The following ZNF367 variants were observed in gnomAD, a reference collection of about 807,000 sequenced individuals.
ZNF367 encodes the protein zinc finger protein 367, also known as C2H2 zinc finger protein ZFF29.
ZNF367 carries 11 observed loss-of-function variants against 31.8 expected under a neutral mutation model. The observed-to-expected ratio is 0.35, with a 90% CI of 0.22 to 0.57. ZNF367 has a LOEUF of 0.57. Ranked by LOEUF, ZNF367 falls within the 20% of genes least tolerant of loss-of-function variation. ZNF367 has a pLI of 0.85. For synonymous variants in ZNF367, 199 were observed against 202.4 expected, an observed-to-expected ratio of 0.98 and a Z score of 0.14; for missense variants, 353 against 484.1, an observed-to-expected ratio of 0.73 and a Z score of 2.54.
At chr9:96,397,932 A>G (rs894227117) in intron 2 of ZNF367, among the ~76,000 whole-genome samples, 2 of 151,852 alleles carry the variant, frequency 1.3e-5, no homozygotes, top group African/African-American at 4.8e-5. Flanking sequence ...TCTACTAAAA[A>G]TACAAAAATT....
intron 1 of ZNF367, among the ~76,000 whole-genome samples, chr9:96,406,934 A>AGAGCTTGC (rs1831677673): frequency 6.9e-6 from 1 of 144,156 alleles, no homozygotes; most frequent in South Asian, 2.3e-4. Context: ...CCCGGGAGGC[A>AGAGCTTGC]GAGCTTGCAG....
chr9:96,415,483 T>C (rs1831811479), intron 1 of ZNF367, among the ~76,000 whole-genome samples: 2 of 41,074 alleles, frequency 4.9e-5, no homozygotes, highest in Admixed American at 4.9e-4. Flanking sequence ...TTCTTCATTT[T>C]TTTTTTTTTT....
In ZNF367 at chr9:96,386,026, A is replaced by G. The variant is rs1831405643; in HGVS notation, c.*2211T>C. 1 of 152,186 alleles carries G rather than the reference A, an allele frequency of 6.6e-6. No homozygotes were observed. Among genetic ancestry groups the G allele is most frequent in the Non-Finnish European group, 1.5e-5 (1 of 68,024 alleles). The allele number at this position is 152,186 out of a possible 1,614,324, so 9.4% of individuals were successfully genotyped here. ...TATGCTGTTAACTCTGCCAAACTACAACTTAGCCATATGAAGCATAAAACA... is the reference window on the plus strand; with the variant it reads ...TATGCTGTTAACTCTGCCAAACTACGACTTAGCCATATGAAGCATAAAACA... On this transcript the variant is annotated 3_prime_UTR_variant, in exon 5 of 5. Transcript: ENST00000375256.
At chr9:96,416,089 T>TGG (rs201734954) in intron 1 of ZNF367, among the ~76,000 whole-genome samples, 1 of 83,504 alleles carries the variant, frequency 1.2e-5, no homozygotes, top group African/African-American at 8.3e-5. Context: ...TTTTTGTTGT[T>TGG]TTTTTTTTTT....
At chr9:96,408,703 T>C (rs1831703588) in intron 1 of ZNF367, among the ~76,000 whole-genome samples, 2 of 152,322 alleles carry the variant, frequency 1.3e-5, no homozygotes, top group African/African-American at 4.8e-5. Flanking sequence ...CGTTTACATA[T>C]AGTCAACACT....
chr9:96,404,727 A>G (rs1464258195), intron 1 of ZNF367, among the ~76,000 whole-genome samples: 4 of 152,194 alleles, frequency 2.6e-5, no homozygotes, highest in Non-Finnish European at 5.9e-5. Flanking sequence ...TAGATATGGC[A>G]CCAAGAGCTA....
rs1018106304 is a variant in ZNF367 at position 96,392,328 on chromosome 9, T to A, written c.830+70A>T. 1.9e-6 allele frequency: 3 copies of A among 1,607,322 alleles called. No individual in the cohort carries two copies. The Admixed American group carries it at 5.0e-5, about 27-fold the overall frequency. On this transcript the variant is annotated intron_variant, in intron 4 of 4. Transcript: ENST00000375256. ...CAGCTTATTTAAAATGAGAGGCATGTCCAGGTCCCTGACATAGCCCCAGCC... is the reference window on the plus strand; with the variant it reads ...CAGCTTATTTAAAATGAGAGGCATGACCAGGTCCCTGACATAGCCCCAGCC...
chr9:96,390,307 C>T (rs1452656524), intron 4 of ZNF367, among the ~76,000 whole-genome samples: 1 of 151,966 alleles, frequency 6.6e-6, no homozygotes, highest in Non-Finnish European at 1.5e-5. Flanking sequence ...TGGCAATGCC[C>T]ACAGAGGTCT....
chr9:96,403,491 C>A (rs1309156260), intron 1 of ZNF367, among the ~76,000 whole-genome samples: 2 of 150,222 alleles, frequency 1.3e-5, no homozygotes, highest in African/African-American at 2.4e-5. Flanking sequence ...CTTTTTTTTT[C>A]TTGCAGAAAT....
Position 96,418,143 on chromosome 9 carries a change from A to T in ZNF367, c.-111T>A, listed in dbSNP as rs181630993. The T allele has an allele frequency of 3.2e-6, 4 of 1,258,518 alleles. No homozygotes were observed. Among genetic ancestry groups the T allele is most frequent in the Admixed American group, 4.2e-5 (1 of 23,744 alleles). The allele number at this position is 1,258,518 out of a possible 1,614,324, so 78.0% of individuals were successfully genotyped here. A position where few individuals can be genotyped will look rare whatever the true frequency, so the allele number is the denominator to read the frequency against. ...AGGCTCAGTCCTGCCGGCTCATGGC[A>T]GACTGACGTTTCCCGGAATCCTGCG... On this transcript the variant is annotated 5_prime_UTR_variant, in exon 1 of 5. Coordinates refer to ENST00000375256, the MANE Select transcript of ZNF367 (RefSeq NM_153695.4).
intron 4 of ZNF367, among the ~76,000 whole-genome samples, chr9:96,390,959 G>A (rs1394922753): frequency 1.3e-5 from 2 of 151,762 alleles, no homozygotes; most frequent in Non-Finnish European, 2.9e-5. Flanking sequence ...AAATAATGGG[G>A]CAGTAGGAGC....
intron 1 of ZNF367, among the ~76,000 whole-genome samples, chr9:96,407,109 CG>C (rs1564143616): frequency 6.6e-6 from 1 of 151,640 alleles, no homozygotes; most frequent in Non-Finnish European, 1.5e-5. Context: ...CGCTTGAGGC[CG>C]GAAGTTAGAG....
At chr9:96,392,632 T>G (rs1471384106) in intron 3 of ZNF367, 96 bp from the exon 4 acceptor site, 3 of 1,476,482 alleles carry the variant, frequency 2.0e-6, no homozygotes, top group Non-Finnish European at 2.7e-6. Context: ...GAAAAGTAAA[T>G]TAATATGGTG....
At chr9:96,401,526 G>A (rs1831603808) in intron 1 of ZNF367, among the ~76,000 whole-genome samples, 1 of 151,736 alleles carries the variant, frequency 6.6e-6, no homozygotes, top group Admixed American at 6.6e-5. Context: ...GCATGGTGGT[G>A]CATGCCTGTA....
rs1273109081 is a variant in ZNF367 at position 96,407,829 on chromosome 9, G to T, written c.421-9515C>A. ...GGGGTTTCACCGTGTTAGCCAGGAT[G>T]GTCTCGATCTCTCTGATCCGCCCGC... On this transcript the variant is annotated intron_variant, in intron 1 of 4. Coordinates refer to ENST00000375256, the MANE Select transcript of ZNF367 (RefSeq NM_153695.4). 9.3e-6 allele frequency: 8 copies of T among 862,310 alleles called. No homozygotes were observed. The East Asian group carries it at 2.1e-4, about 23-fold the overall frequency. The allele number at this position is 862,310 out of a possible 1,614,324, so 53.4% of individuals were successfully genotyped here.
intron 1 of ZNF367, among the ~76,000 whole-genome samples, chr9:96,406,705 A>G (rs1040147328): frequency 1.3e-4 from 20 of 152,142 alleles, no homozygotes; most frequent in African/African-American, 4.6e-4. Flanking sequence ...TTTTTTAATG[A>G]TTAAGACCGT....
At chr9:96,406,140 A>AT (rs998838774) in intron 1 of ZNF367, among the ~76,000 whole-genome samples, 42 of 152,246 alleles carry the variant, frequency 2.8e-4, no homozygotes, top group Admixed American at 1.3e-4. Context: ...TAAAATAAAC[A>AT]TTTACTTGAA....
chr9:96,404,486 G>A (rs527719013), intron 1 of ZNF367, among the ~76,000 whole-genome samples: 167 of 151,914 alleles, frequency 1.1e-3, no homozygotes, highest in Non-Finnish European at 1.5e-3. Flanking sequence ...CCAGCTACTC[G>A]GGAGGCTGAG....
intron 1 of ZNF367, among the ~76,000 whole-genome samples, chr9:96,416,137 G>C (rs1831827608): frequency 6.7e-6 from 1 of 148,488 alleles, no homozygotes; most frequent in Non-Finnish European, 1.5e-5. Flanking sequence ...GCACAGGCTG[G>C]AGCGCAGTGG....
Sources: allele counts gnomAD v4.1 joint callset (sites outside exome capture counted in the v4.1 genomes callset), GRCh38; gene constraint gnomAD v4.1.1; transcripts MANE v1.5; gene names NCBI Gene and HGNC (gene_info 2026-07-23, HGNC 2026-07-21).